The following CHL1 variants were observed in gnomAD, a reference collection of about 807,000 sequenced individuals.
The protein encoded by CHL1 is neural cell adhesion molecule L1-like protein.
In CHL1, 96 loss-of-function variants were observed where a neutral mutation model predicts 141.9. The observed-to-expected ratio is 0.68, with a 90% confidence interval of 0.57 to 0.80. CHL1 has a LOEUF of 0.80. Among genes scored for constraint, CHL1 ranks in the 30% least tolerant of loss-of-function variants. CHL1 has a pLI of 0.00. For missense variants in CHL1, 1,820 were observed against 1,457.2 expected (o/e 1.25, Z -4.05); for synonymous variants, 613 against 502.2 (o/e 1.22, Z -2.95).
rs745703560 is a variant in CHL1, at chr3:354,725, A to G, written c.1119A>G (p.Glu373=). The G allele has an allele frequency of 6.2e-7, 1 of 1,613,966 alleles. No homozygotes were observed. Among genetic ancestry groups the G allele is most frequent in the South Asian group, 1.1e-5 (1 of 91,086 alleles). ...NGILLCEAEG[E]PQPTIKWRVN... The stretch of plus-strand genomic sequence containing the variant: ...TCTTGTTATGTGAGGCTGAAGGAGA[A>G]CCTCAACCCACAATCAAGTGGAGAG... Residue 373 remains glutamate, a synonymous_variant, in exon 11 of 28, where the codon GAA becomes GAG. Coordinates refer to ENST00000256509, the MANE Select transcript of CHL1 (RefSeq NM_006614.4).
At chr3:392,659 A>G (rs1406456094) in intron 23 of CHL1, among the ~76,000 whole-genome samples, 2 of 152,236 alleles carry the variant, frequency 1.3e-5, no homozygotes, top group African/African-American at 4.8e-5. Context: ...ACAGAGACCC[A>G]GCACACACTG....
At chr3:402,821 A>C (rs1300946435) in intron 27 of CHL1, among the ~76,000 whole-genome samples, 1 of 152,226 alleles carries the variant, frequency 6.6e-6, no homozygotes, top group Non-Finnish European at 1.5e-5. Flanking sequence ...GAGAAAAAGA[A>C]AAAGGAAGAA....
In CHL1 at chr3:391,731, T is replaced by G. The variant is rs1708243671; in HGVS notation, c.2848T>G (p.Leu950Val). ...VIKVDKDTAT[L>V]SWGLPKKLNG... ...CAAAGTTGATAAAGACACTGCCACT[T>G]TATCTTGGGGACTACCTAAGAAATT... Residue 950 changes from leucine to valine, a missense_variant, in exon 23 of 28, where the codon TTA becomes GTA. By Grantham distance (32) the Leu-to-Val change is conservative (BLOSUM62 1). Coordinates refer to ENST00000256509, the MANE Select transcript of CHL1 (RefSeq NM_006614.4). 3 of 1,605,620 alleles carry G rather than the reference T, an allele frequency of 1.9e-6. No homozygotes were observed. The highest frequency in any genetic ancestry group is 2.6e-6 in the Non-Finnish European group (3 of 1,173,908).
At chr3:382,851 C>T (rs1251259155) in intron 18 of CHL1, 180 bp downstream of exon 18, 7 of 590,824 alleles carry the variant, frequency 1.2e-5, no homozygotes, top group Admixed American at 3.0e-5. Context: ...GTGTTACATA[C>T]GAGTTCGATA....
intron 15 of CHL1, among the ~76,000 whole-genome samples, chr3:376,191 G>A (rs532352641): frequency 2.0e-5 from 3 of 152,268 alleles, no homozygotes; most frequent in Admixed American, 6.5e-5. Context: ...GGAGGAATAA[G>A]TGACTGTTTT....
intron 1 of CHL1, among the ~76,000 whole-genome samples, chr3:225,283 G>T (rs754320611): frequency 5.3e-5 from 8 of 152,220 alleles, no homozygotes; most frequent in Non-Finnish European, 8.8e-5. Context: ...AACTCAGAAT[G>T]ATCTCCACCC....
At chr3:349,850 A>G (rs528519260) in intron 10 of CHL1, among the ~76,000 whole-genome samples, 1 of 152,350 alleles carries the variant, frequency 6.6e-6, no homozygotes, top group South Asian at 2.1e-4. Context: ...TAATACACAT[A>G]TACATTTCAT....
rs532728846 is a variant in CHL1, at chr3:359,918, G to C, written c.1166-366G>C. Reference sequence around the variant, plus strand: ...TCGTGATGTGTTGACCATGTGACTTGTGCCAGGCAGCATCAGTGTCTAAAT... The same window carrying C: ...TCGTGATGTGTTGACCATGTGACTTCTGCCAGGCAGCATCAGTGTCTAAAT... On this transcript the variant is annotated intron_variant, in intron 11 of 27. Coordinates refer to ENST00000256509, the MANE Select transcript of CHL1 (RefSeq NM_006614.4). Among the ~76,000 whole-genome samples the C allele has an allele frequency of 5.3e-5, 8 of 152,272 alleles. No individual in the cohort carries two copies. In the East Asian group the frequency reaches 1.2e-3, roughly 22 times the overall value.
At chr3:225,090 C>T (rs116707746) in intron 1 of CHL1, among the ~76,000 whole-genome samples, 2,179 of 152,248 alleles carry the variant, frequency 0.014, 28 homozygotes, top group Non-Finnish European at 0.021. Flanking sequence ...GCCAAGATCT[C>T]GCCACTGCAC....
intron 25 of CHL1, 90 bp from the exon 26 acceptor site, chr3:398,927 T>C (rs1708895153): frequency 2.4e-6 from 3 of 1,273,166 alleles, no homozygotes; most frequent in South Asian, 2.6e-5. Context: ...ATTTGGTATG[T>C]TTAAAAATGA....
Position 360,275 on chromosome 3 carries a change from C to T in CHL1, c.1166-9C>T, listed in dbSNP as rs1704109345. ...CCTTATCAAACTGACATTCTTTAAT[C>T]TCTTTCAGATCATCCATTTGCTGGT... On this transcript the variant is annotated splice_polypyrimidine_tract_variant and intron_variant, in intron 11 of 27. Transcript: ENST00000256509. The T allele has an allele frequency of 6.2e-7, 1 of 1,612,918 alleles. No individual in the cohort carries two copies. Among genetic ancestry groups the T allele is most frequent in the African/African-American group, 1.3e-5 (1 of 74,844 alleles).
At chr3:307,229 A>G (rs1699316975) in intron 2 of CHL1, among the ~76,000 whole-genome samples, 1 of 152,238 alleles carries the variant, frequency 6.6e-6, no homozygotes, top group Non-Finnish European at 1.5e-5. Flanking sequence ...GGACAGTCTT[A>G]GGATGAAATT....
At chr3:254,533 AG>A (rs1397988028) in intron 2 of CHL1, among the ~76,000 whole-genome samples, 2 of 152,176 alleles carry the variant, frequency 1.3e-5, no homozygotes, top group Non-Finnish European at 2.9e-5. Context: ...GATGATTGTC[AG>A]GGCAGCAGAC....
chr3:393,176 T>G (rs1410483329), intron 23 of CHL1, among the ~76,000 whole-genome samples: 3 of 133,952 alleles, frequency 2.2e-5, no homozygotes, highest in Non-Finnish European at 4.6e-5. Flanking sequence ...GAGCTTGCGG[T>G]GAGCTGAGAT....
intron 2 of CHL1, among the ~76,000 whole-genome samples, chr3:318,549 T>C (rs950397152): frequency 6.6e-6 from 1 of 151,662 alleles, no homozygotes; most frequent in African/African-American, 2.4e-5. Flanking sequence ...AAAATTGAAA[T>C]TGTAAGAGAA....
At chr3:231,432 C>T (rs1701838747) in intron 1 of CHL1, among the ~76,000 whole-genome samples, 1 of 152,002 alleles carries the variant, frequency 6.6e-6, no homozygotes, top group East Asian at 1.9e-4. Context: ...AGGCTTAGCC[C>T]ATAGTTGAAC....
intron 6 of CHL1, 55 bp from the exon 7 acceptor site, chr3:341,857 A>T: frequency 7.4e-7 from 1 of 1,349,978 alleles, no homozygotes; most frequent in East Asian, 2.4e-5. Flanking sequence ...AAAAAGGAAG[A>T]TGAAGCACAG....
At chr3:384,201 C>A (rs73013199) in intron 19 of CHL1, 16,978 of 182,818 alleles carry the variant, frequency 0.093, 899 homozygotes, top group African/African-American at 0.15. Context: ...TCAAAAAATA[C>A]TGAAAATCTT....
At chr3:370,777 C>T (rs1274959305) in intron 15 of CHL1, among the ~76,000 whole-genome samples, 2 of 152,278 alleles carry the variant, frequency 1.3e-5, no homozygotes, top group South Asian at 4.1e-4. Context: ...ACTGCTTTAG[C>T]TGTGTCCCAC....
Sources: gnomAD v4.1 joint callset for allele counts (sites outside exome capture counted in the v4.1 genomes callset) on GRCh38, gnomAD v4.1.1 for gene constraint, MANE v1.5 for transcripts, NCBI Gene and HGNC (gene_info 2026-07-23, HGNC 2026-07-21) for gene names.